Variants in SEM1 observed in about 807,000 individuals in gnomAD.
The protein encoded by SEM1 is SEM1 26S proteasome subunit.
In SEM1, 3 loss-of-function variants were observed where a neutral mutation model predicts 12.7. That is an observed-to-expected ratio of 0.24 (90% CI 0.11 to 0.61). SEM1 has a LOEUF of 0.61. SEM1 is among the 20% of genes least tolerant of loss of function. The pLI is 0.88. For synonymous variants in SEM1, 30 were observed against 27.8 expected (o/e 1.08, Z -0.25); for missense variants, 59 against 81.3 (o/e 0.73, Z 1.06).
intron 2 of SEM1, among the ~76,000 whole-genome samples, chr7:96,661,318 T>C (rs376552644): frequency 6.6e-6 from 1 of 152,300 alleles, no homozygotes; most frequent in South Asian, 2.1e-4. Flanking sequence ...ATATTTAGGA[T>C]TGGAAAGACT....
Position 96,709,733 on chromosome 7 carries a change from C to T in SEM1, c.31G>A (p.Gly11Ser). ...AACTCGTCGTCTTCCTCTAACAGACCTAAGTCTACCGGCTGCTTTTTCTCT... is the reference window on the plus strand; with the variant it reads ...AACTCGTCGTCTTCCTCTAACAGACTTAAGTCTACCGGCTGCTTTTTCTCT... MSEKKQPVDL[G>S]LLEEDDEFEE... Residue 11 changes from glycine to serine, a missense_variant, in exon 1 of 3, where the codon GGT becomes AGT. Coordinates refer to ENST00000248566, the MANE Select transcript of SEM1 (RefSeq NM_006304.2). The T allele has an allele frequency of 6.2e-7, 1 of 1,614,018 alleles. No homozygotes were observed. Among genetic ancestry groups the T allele is most frequent in the Non-Finnish European group, 8.5e-7 (1 of 1,179,962 alleles).
chr7:96,535,152 T>G (rs1804749288), intron 2 of SEM1, among the ~76,000 whole-genome samples: 1 of 151,942 alleles, frequency 6.6e-6, no homozygotes, highest in South Asian at 2.1e-4. Flanking sequence ...TGGCAAAAAA[T>G]AGACTAAATT....
chr7:96,527,755 G>A (rs1804513417), intron 2 of SEM1, among the ~76,000 whole-genome samples: 1 of 152,080 alleles, frequency 6.6e-6, no homozygotes, highest in Non-Finnish European at 1.5e-5. Context: ...AAAATATGCA[G>A]ACTGTTAGCT....
chr7:96,544,175 G>T (rs983451076), intron 2 of SEM1, among the ~76,000 whole-genome samples: 1 of 151,902 alleles, frequency 6.6e-6, no homozygotes, highest in East Asian at 1.9e-4. Flanking sequence ...AACCACTTTT[G>T]CTAGCCTGTC....
chr7:96,545,661 T>C (rs1282146077), intron 2 of SEM1, among the ~76,000 whole-genome samples: 1 of 152,098 alleles, frequency 6.6e-6, no homozygotes, highest in Non-Finnish European at 1.5e-5. Flanking sequence ...TTCTTAAACA[T>C]ATATCCCAGT....
chr7:96,585,224 T>A (rs759316856), intron 2 of SEM1, among the ~76,000 whole-genome samples: 1 of 152,206 alleles, frequency 6.6e-6, no homozygotes, highest in Non-Finnish European at 1.5e-5. Flanking sequence ...TGGAATACCC[T>A]GCCGTGTGAG....
chr7:96,622,286 A>G, downstream of SEM1: 1 of 265,130 alleles, frequency 3.8e-6, no homozygotes, highest in South Asian at 1.4e-4. Flanking sequence ...AAATAAAACT[A>G]ATGTGCTAAT....
At chr7:96,484,045 C>T in intron 3 of SEM1, 1 of 1,399,792 alleles carries the variant, frequency 7.1e-7, no homozygotes, top group Non-Finnish European at 9.4e-7. Context: ...ACACTTCATG[C>T]ATATTAACTT....
intron 2 of SEM1, among the ~76,000 whole-genome samples, chr7:96,571,391 G>A (rs1176619445): frequency 6.6e-6 from 1 of 151,922 alleles, no homozygotes; most frequent in Non-Finnish European, 1.5e-5. Flanking sequence ...TAATGTGTAT[G>A]GAAGGGTTCC....
At chr7:96,528,207 G>T (rs569611954) in intron 2 of SEM1, among the ~76,000 whole-genome samples, 1 of 152,174 alleles carries the variant, frequency 6.6e-6, no homozygotes, top group South Asian at 2.1e-4. Context: ...GGGTTGTTTT[G>T]TTTCGAGACA....
At chr7:96,526,663 A>G (rs142992275) in intron 2 of SEM1, among the ~76,000 whole-genome samples, 1 of 141,976 alleles carries the variant, frequency 7.0e-6, no homozygotes, top group African/African-American at 2.6e-5. Flanking sequence ...AGGATGATAA[A>G]ATGGTTTGTG....
At chr7:96,680,633 T>G (rs1789582794) in intron 2 of SEM1, among the ~76,000 whole-genome samples, 1 of 152,120 alleles carries the variant, frequency 6.6e-6, no homozygotes, top group Non-Finnish European at 1.5e-5. Flanking sequence ...AAAGTCGTCT[T>G]ACAAGGGTAA....
chr7:96,484,097 CCCCAT>C, intron 3 of SEM1: 1 of 1,061,676 alleles, frequency 9.4e-7, no homozygotes, highest in Non-Finnish European at 1.3e-6. Flanking sequence ...ATCCAATCAT[CCCCAT>C]TTTAGAGATG....
At chr7:96,672,292 T>C (rs766631397), downstream of SEM1, among the ~76,000 whole-genome samples, 7 of 152,156 alleles carry the variant, frequency 4.6e-5, no homozygotes, top group East Asian at 1.9e-4. Context: ...CTGTAGAAGG[T>C]TGCAGATAGC....
chr7:96,581,091 T>C (rs1806385603), intron 2 of SEM1, among the ~76,000 whole-genome samples: 1 of 152,238 alleles, frequency 6.6e-6, no homozygotes, highest in South Asian at 2.1e-4. Context: ...TCTAGGGTTT[T>C]TATGGTTTTA....
At chr7:96,705,554 G>A (rs758184147) in intron 1 of SEM1, among the ~76,000 whole-genome samples, 2 of 152,064 alleles carry the variant, frequency 1.3e-5, no homozygotes, top group Non-Finnish European at 2.9e-5. Context: ...TAGGCTGGGC[G>A]CGGTGGCTCA....
downstream of SEM1, among the ~76,000 whole-genome samples, chr7:96,619,758 A>G (rs894588253): frequency 2.6e-5 from 4 of 151,692 alleles, no homozygotes; most frequent in Non-Finnish European, 5.9e-5. Flanking sequence ...CTAGTCCGTA[A>G]TCCCACAGCC....
intron 2 of SEM1, among the ~76,000 whole-genome samples, chr7:96,613,531 ATTTC>A (rs1807608373): frequency 6.6e-6 from 1 of 152,172 alleles, no homozygotes; most frequent in Non-Finnish European, 1.5e-5. Context: ...AATAATTATC[ATTTC>A]TTTGTGGTAA....
At chr7:96,688,217 T>G (rs938296927), downstream of SEM1, 1 of 152,152 alleles carries the variant, frequency 6.6e-6, no homozygotes, top group Non-Finnish European at 1.5e-5. Context: ...TCAGTTGTAC[T>G]AAATGAGCCT....
Sources: gnomAD v4.1 joint callset for allele counts (sites outside exome capture counted in the v4.1 genomes callset) on GRCh38, gnomAD v4.1.1 for gene constraint, MANE v1.5 for transcripts, NCBI Gene and HGNC (gene_info 2026-07-23, HGNC 2026-07-21) for gene names.